NTMT2: variants seen among roughly 807,000 people sequenced by gnomAD.
The protein encoded by NTMT2 is N-terminal Xaa-Pro-Lys N-methyltransferase 2.
A neutral mutation model predicts 23.4 loss-of-function variants in NTMT2; 21 were observed. The ratio of observed to expected loss-of-function variants is 0.90; its 90% CI spans 0.64 to 1.29. The LOEUF is 1.29. Ranked by LOEUF, NTMT2 falls within the 50% of genes most tolerant of loss-of-function variation. The pLI is 0.00. For synonymous variants in NTMT2, 131 were observed against 127.7 expected (o/e 1.03, Z -0.17); for missense variants, 336 against 352.0 (o/e 0.95, Z 0.36).
chr1:170,160,743 T>C (rs903920160), intron 2 of NTMT2, 50 bp downstream of exon 2: 23 of 1,437,592 alleles, frequency 1.6e-5, no homozygotes, highest in Admixed American at 5.2e-5. Context: ...CTTGCAAACA[T>C]TGAGCTCGCA....
Position 170,154,011 on chromosome 1 carries a change from C to G in NTMT2, c.155-6507C>G, listed in dbSNP as rs114311690. On this transcript the variant is annotated intron_variant, in intron 1 of 3. Coordinates refer to ENST00000439373, the MANE Select transcript of NTMT2 (RefSeq NM_001136107.2). The stretch of plus-strand genomic sequence containing the variant: ...GGACCAGGCCCAGGGCCCTGCTACC[C>G]TGTGTAGCCTCAGAGCACTGTTCTC... Among the ~76,000 whole-genome samples, 1,114 of 152,244 alleles carry G rather than the reference C, an allele frequency of 7.3e-3. 11 individuals are homozygous for G. The highest frequency in any genetic ancestry group is 0.025 in the African/African-American group (1,057 of 41,538).
At position 170,168,835 on chromosome 1, in the gene NTMT2, A is replaced by G. The variant is rs2102245886; in HGVS notation, c.*1078A>G. Among the ~76,000 whole-genome samples, 1 of 152,378 alleles carries G rather than the reference A, an allele frequency of 6.6e-6. No homozygotes were observed. Among genetic ancestry groups the G allele is most frequent in the South Asian group, 2.1e-4 (1 of 4,834 alleles). On this transcript the variant is annotated 3_prime_UTR_variant, in exon 4 of 4. Transcript: ENST00000439373. ...AACCCTGAAAATTGACTAGCTGGACATTGGTTTAATTAAAAATAATCTAAA... is the reference window on the plus strand; with the variant it reads ...AACCCTGAAAATTGACTAGCTGGACGTTGGTTTAATTAAAAATAATCTAAA...
chr1:170,160,989 G>A (rs998753904), intron 2 of NTMT2, among the ~76,000 whole-genome samples: 1 of 152,174 alleles, frequency 6.6e-6, no homozygotes, highest in Non-Finnish European at 1.5e-5. Context: ...GAATAAAGAA[G>A]ACATCTCTTT....
At chr1:170,162,066 G>C (rs1229275013) in intron 2 of NTMT2, among the ~76,000 whole-genome samples, 1 of 152,050 alleles carries the variant, frequency 6.6e-6, no homozygotes, top group African/African-American at 2.4e-5. Context: ...TTCCAGCCTG[G>C]GTGGCACAGC....
intron 1 of NTMT2, among the ~76,000 whole-genome samples, chr1:170,158,958 C>T (rs1290076961): frequency 6.6e-6 from 1 of 151,850 alleles, no homozygotes; most frequent in African/African-American, 2.4e-5. Flanking sequence ...CATCCATTTC[C>T]TGAATTATTT....
intron 1 of NTMT2, among the ~76,000 whole-genome samples, chr1:170,146,973 A>T (rs1192148135): frequency 1.3e-5 from 2 of 152,210 alleles, no homozygotes; most frequent in African/African-American, 4.8e-5. Context: ...AGAGGAAATA[A>T]CTTACCATTA....
At chr1:170,146,998 CT>C (rs1672976489) in intron 1 of NTMT2, among the ~76,000 whole-genome samples, 1 of 152,196 alleles carries the variant, frequency 6.6e-6, no homozygotes, top group African/African-American at 2.4e-5. Context: ...GTAAAATACC[CT>C]TCTCCCTTTG....
chr1:170,153,946 C>G (rs1673117249), intron 1 of NTMT2, among the ~76,000 whole-genome samples: 1 of 152,296 alleles, frequency 6.6e-6, no homozygotes, highest in Middle Eastern at 3.4e-3. Context: ...GACAGCCCCT[C>G]TCATCACAGA....
chr1:170,149,304 A>C (rs1279521894), intron 1 of NTMT2, among the ~76,000 whole-genome samples: 1 of 152,270 alleles, frequency 6.6e-6, no homozygotes, highest in East Asian at 1.9e-4. Flanking sequence ...GGCAGAAGCC[A>C]AATGTTCAGA....
At chr1:170,149,233 A>G (rs1043546459) in intron 1 of NTMT2, among the ~76,000 whole-genome samples, 3 of 152,252 alleles carry the variant, frequency 2.0e-5, no homozygotes, top group Admixed American at 6.5e-5. Context: ...CTAAGGGTGC[A>G]GGGAAATCAG....
intron 1 of NTMT2, among the ~76,000 whole-genome samples, chr1:170,149,204 G>C (rs984267186): frequency 2.0e-5 from 3 of 152,220 alleles, no homozygotes; most frequent in Non-Finnish European, 4.4e-5. Flanking sequence ...ACAAATAACT[G>C]TGTATTAATC....
chr1:170,163,859 C>G (rs1230855088), intron 2 of NTMT2, among the ~76,000 whole-genome samples: 1 of 152,202 alleles, frequency 6.6e-6, no homozygotes, highest in Non-Finnish European at 1.5e-5. Context: ...AATGGGTTCA[C>G]ACCTGTAATC....
chr1:170,148,201 T>A (rs1398745093), intron 1 of NTMT2, among the ~76,000 whole-genome samples: 1 of 125,776 alleles, frequency 8.0e-6, no homozygotes, highest in Non-Finnish European at 1.6e-5. Context: ...CAGGCTGGAG[T>A]GCAGTGGTGC....
At chr1:170,160,753 A>G (rs1354929889) in intron 2 of NTMT2, 60 bp downstream of exon 2, 1 of 1,393,658 alleles carries the variant, frequency 7.2e-7, no homozygotes, top group Non-Finnish European at 9.6e-7. Context: ...TTGAGCTCGC[A>G]TGCCTCTGTG....
At chr1:170,147,803 A>C (rs1419628100) in intron 1 of NTMT2, among the ~76,000 whole-genome samples, 1 of 152,210 alleles carries the variant, frequency 6.6e-6, no homozygotes, top group Non-Finnish European at 1.5e-5. Flanking sequence ...GCTGAAGATG[A>C]GTTAAAAAGT....
At chr1:170,153,438 T>C (rs1673108256) in intron 1 of NTMT2, among the ~76,000 whole-genome samples, 1 of 152,188 alleles carries the variant, frequency 6.6e-6, no homozygotes, top group Non-Finnish European at 1.5e-5. Context: ...TGTTAAATCA[T>C]TGTGACCAAA....
At chr1:170,149,655 C>T (rs553062607) in intron 1 of NTMT2, among the ~76,000 whole-genome samples, 5 of 152,156 alleles carry the variant, frequency 3.3e-5, no homozygotes, top group Non-Finnish European at 7.4e-5. Context: ...TTTTGCACTG[C>T]TACTACTAGA....
chr1:170,155,392 C>G (rs1031092149), intron 1 of NTMT2, among the ~76,000 whole-genome samples: 1 of 151,922 alleles, frequency 6.6e-6, no homozygotes, highest in African/African-American at 2.4e-5. Context: ...CCTTTCTTCC[C>G]TCTCTTCCCT....
intron 1 of NTMT2, among the ~76,000 whole-genome samples, chr1:170,152,377 A>G (rs958972723): frequency 2.0e-5 from 3 of 152,160 alleles, no homozygotes; most frequent in Non-Finnish European, 4.4e-5. Flanking sequence ...TAGGTCAGAT[A>G]GAGAGTTCAA....
Sources: gnomAD v4.1 joint callset for allele counts (sites outside exome capture counted in the v4.1 genomes callset) on GRCh38, gnomAD v4.1.1 for gene constraint, MANE v1.5 for transcripts, NCBI Gene and HGNC (gene_info 2026-07-23, HGNC 2026-07-21) for gene names.